The following CAMK1D variants were observed in gnomAD, a reference collection of about 807,000 sequenced individuals.
The protein encoded by CAMK1D is calcium/calmodulin dependent protein kinase ID.
Under a neutral mutation model 47.7 loss-of-function variants are expected in CAMK1D, and 9 were observed. The ratio of observed to expected loss-of-function variants is 0.19; its 90% CI spans 0.11 to 0.33. The LOEUF (loss-of-function observed/expected upper bound fraction) is 0.33, where lower values mean the gene tolerates loss of function less well. Among genes scored for constraint, CAMK1D ranks in the 10% least tolerant of loss-of-function variants. The probability of loss-of-function intolerance (pLI) is 1.00; values close to 1 mark genes in which losing one functional copy is unlikely to be tolerated. For missense variants in CAMK1D, 291 were observed against 488.7 expected, an observed-to-expected ratio of 0.60 and a Z score of 3.81; for synonymous variants, 184 against 184.9, an observed-to-expected ratio of 0.99 and a Z score of 0.04.
At chr10:12,746,760 C>T (rs1835700650) in intron 3 of CAMK1D, among the ~76,000 whole-genome samples, 1 of 152,104 alleles carries the variant, frequency 6.6e-6, no homozygotes. Context: ...GTGACGGGGG[C>T]GGGAGGTGAG....
In CAMK1D at chr10:12,553,231, C is replaced by T. The variant is rs769909223; in HGVS notation, c.99C>T (p.Ala33=). Residue 33 remains alanine, a synonymous_variant, in exon 2 of 11, where the codon GCC becomes GCT. Coordinates refer to ENST00000619168, the MANE Select transcript of CAMK1D (RefSeq NM_153498.4). ...FEFKETLGTG[A]FSEVVLAEEK... ...TTTCCTTCTTTGTTCACAGCGGGGC[C>T]TTTTCCGAAGTGGTTTTAGCTGAAG... The T allele has an allele frequency of 1.9e-6, 3 of 1,614,140 alleles. No homozygotes were observed. Among genetic ancestry groups the T allele is most frequent in the Non-Finnish European group, 2.5e-6 (3 of 1,180,008 alleles).
chr10:12,638,039 C>T (rs974286584), intron 2 of CAMK1D, among the ~76,000 whole-genome samples: 8 of 152,050 alleles, frequency 5.3e-5, no homozygotes, highest in African/African-American at 1.7e-4. Flanking sequence ...TGGTGGAGGA[C>T]GGGGGGATTC....
chr10:12,408,848 C>CTTTTTTTTTTTTTTTTT (rs113921067), intron 1 of CAMK1D, among the ~76,000 whole-genome samples: 42 of 121,856 alleles, frequency 3.4e-4, no homozygotes, highest in Non-Finnish European at 5.0e-4. Flanking sequence ...TTCTTTCTTT[C>CTTTTTTTTTTTTTTTTT]TTTTTTTTTT....
intron 1 of CAMK1D, among the ~76,000 whole-genome samples, chr10:12,470,378 GTCA>G (rs1274499345): frequency 1.3e-5 from 2 of 152,078 alleles, no homozygotes; most frequent in African/African-American, 4.8e-5. Context: ...TCTGTGCATA[GTCA>G]ACACAATTGC....
chr10:12,580,124 A>G (rs1006261400), intron 2 of CAMK1D, among the ~76,000 whole-genome samples: 10 of 152,180 alleles, frequency 6.6e-5, no homozygotes, highest in African/African-American at 2.4e-4. Context: ...CTTTCGGCAC[A>G]GCCAGAATTC....
chr10:12,536,946 A>G (rs1835991767), intron 1 of CAMK1D, among the ~76,000 whole-genome samples: 1 of 152,160 alleles, frequency 6.6e-6, no homozygotes, highest in African/African-American at 2.4e-5. Context: ...ACATCCCTCT[A>G]GATACGTTGT....
chr10:12,828,685 C>T, intron 10 of CAMK1D, 84 bp from the exon 11 acceptor site: 1 of 1,094,180 alleles, frequency 9.1e-7, no homozygotes, highest in African/African-American at 1.5e-5. Flanking sequence ...ACCATAAACC[C>T]AGCCCCTCTG....
At position 12,781,649 on chromosome 10, in the gene CAMK1D, CTTTTTTTT is replaced by C. The variant is rs145484733; in HGVS notation, c.566-9496_566-9489del. Reference sequence around the variant, plus strand: ...CAGGGTAAGCTGCTCTTTGGCGATACTTTTTTTTTTTTTTTTTTTTGAAACGGAGTCTT... The same window carrying C: ...CAGGGTAAGCTGCTCTTTGGCGATACTTTTTTTTTTTTGAAACGGAGTCTT... On this transcript the variant is annotated intron_variant, in intron 5 of 10. Transcript: ENST00000619168. Among the ~76,000 whole-genome samples the C allele has an allele frequency of 6.5e-3, 890 of 137,166 alleles. 3 individuals are homozygous for C. Among genetic ancestry groups the C allele is most frequent in the Middle Eastern group, 0.034 (9 of 266 alleles). 90.0% of individuals were successfully genotyped at this position (137,166 alleles called of 152,430 possible).
chr10:12,375,435 T>C (rs755749444), intron 1 of CAMK1D, among the ~76,000 whole-genome samples: 18 of 152,230 alleles, frequency 1.2e-4, no homozygotes, highest in Non-Finnish European at 2.2e-4. Flanking sequence ...GCAATGAGTG[T>C]TTAATCCATG....
intron 1 of CAMK1D, among the ~76,000 whole-genome samples, chr10:12,388,562 C>G (rs534066165): frequency 6.6e-6 from 1 of 152,186 alleles, no homozygotes; most frequent in East Asian, 1.9e-4. Context: ...TTTGTCTTCT[C>G]TGTTGGGGGC....
intron 3 of CAMK1D, among the ~76,000 whole-genome samples, chr10:12,727,951 A>T (rs536081235): frequency 1.3e-5 from 2 of 152,164 alleles, no homozygotes; most frequent in South Asian, 4.1e-4. Context: ...TTTTTAGTAG[A>T]GACGGGATTT....
At chr10:12,730,982 C>CA (rs1162703770) in intron 3 of CAMK1D, among the ~76,000 whole-genome samples, 1 of 152,096 alleles carries the variant, frequency 6.6e-6, no homozygotes. Flanking sequence ...CACTTTGCTG[C>CA]AAAGGAGAAG....
At chr10:12,742,738 A>T (rs76036789) in intron 3 of CAMK1D, among the ~76,000 whole-genome samples, 14,339 of 152,146 alleles carry the variant, frequency 0.094, 1,798 homozygotes, top group African/African-American at 0.29. Flanking sequence ...ATCTTGGGAG[A>T]TGTAACTAAC....
chr10:12,794,865 A>G (rs779364736), intron 6 of CAMK1D, among the ~76,000 whole-genome samples: 10 of 152,198 alleles, frequency 6.6e-5, no homozygotes, highest in Non-Finnish European at 1.0e-4. Context: ...CACTTGGAGT[A>G]CCACCAGCCT....
chr10:12,447,385 A>G (rs2724820), intron 1 of CAMK1D, among the ~76,000 whole-genome samples: 150,290 of 152,300 alleles, frequency 0.99, 74,190 homozygotes, highest in Middle Eastern at 1. Flanking sequence ...GCCTTCAGAT[A>G]GTTTTTTCCT....
At chr10:12,399,876 G>C (rs1301316154) in intron 1 of CAMK1D, among the ~76,000 whole-genome samples, 1 of 152,164 alleles carries the variant, frequency 6.6e-6, no homozygotes, top group Non-Finnish European at 1.5e-5. Context: ...GCTGATGGCT[G>C]TGAGTTCAAT....
At chr10:12,424,282 C>G (rs1840153847) in intron 1 of CAMK1D, among the ~76,000 whole-genome samples, 1 of 152,142 alleles carries the variant, frequency 6.6e-6, no homozygotes, top group South Asian at 2.1e-4. Context: ...CACCAAGTCT[C>G]TAGCTCCGTG....
At chr10:12,514,306 G>A (rs1289514820) in intron 1 of CAMK1D, among the ~76,000 whole-genome samples, 1 of 152,154 alleles carries the variant, frequency 6.6e-6, no homozygotes, top group Non-Finnish European at 1.5e-5. Context: ...TACTTATTAT[G>A]CAAATTCGGT....
chr10:12,495,723 A>T (rs1239205187), intron 1 of CAMK1D, among the ~76,000 whole-genome samples: 1 of 152,248 alleles, frequency 6.6e-6, no homozygotes, highest in Non-Finnish European at 1.5e-5. Context: ...AACAGGAGTC[A>T]TTGTTGTCTG....
Sources: gnomAD v4.1 joint callset for allele counts (sites outside exome capture counted in the v4.1 genomes callset) on GRCh38, gnomAD v4.1.1 for gene constraint, MANE v1.5 for transcripts, NCBI Gene and HGNC (gene_info 2026-07-23, HGNC 2026-07-21) for gene names.